The following SNRNP70 variants were observed in gnomAD, a reference collection of about 807,000 sequenced individuals.
SNRNP70 encodes small nuclear ribonucleoprotein U1 subunit 70.
In SNRNP70, 8 loss-of-function variants were observed where a neutral mutation model predicts 50.5. The observed-to-expected ratio is 0.16, with a 90% CI of 0.09 to 0.29. The LOEUF (loss-of-function observed/expected upper bound fraction) is 0.29. SNRNP70 is among the 10% of genes least tolerant of loss of function. The pLI is 1.00. For synonymous variants in SNRNP70, 320 were observed against 252.9 expected, an observed-to-expected ratio of 1.27 and a Z score of -2.52; for missense variants, 529 against 663.5, an observed-to-expected ratio of 0.80 and a Z score of 2.23.
At chr19:49,098,749 G>T in intron 6 of SNRNP70, 45 bp downstream of exon 6, 1 of 1,489,048 alleles carries the variant, frequency 6.7e-7, no homozygotes, top group Non-Finnish European at 9.4e-7. Context: ...GTGCATGGAG[G>T]AGGGGCTGTA....
intron 2 of SNRNP70, among the ~76,000 whole-genome samples, chr19:49,088,184 C>G (rs372014752): frequency 1.3e-5 from 2 of 148,812 alleles, no homozygotes; most frequent in Admixed American, 1.4e-4. Flanking sequence ...AGCCACCATG[C>G]CTGGGAGCCA....
intron 6 of SNRNP70, 79 bp from the exon 7 acceptor site, chr19:49,101,311 G>T: frequency 9.7e-7 from 1 of 1,027,594 alleles, no homozygotes; most frequent in Non-Finnish European, 1.5e-6. Flanking sequence ...CCCAGGGCCT[G>T]GTGTGCAGGC....
chr19:49,107,612 T>C lies in SNRNP70; in HGVS notation c.578-13T>C. 2 of 1,613,320 alleles carry C rather than the reference T, an allele frequency of 1.2e-6. No individual in the cohort carries two copies. Among genetic ancestry groups the C allele is most frequent in the Non-Finnish European group, 1.7e-6 (2 of 1,179,386 alleles). ...TGCCCAGATTCACCCTCTGTCCGTC[T>C]GCCCTGCCCCAGGAGGAGGCCTCGG... On this transcript the variant is annotated splice_polypyrimidine_tract_variant and intron_variant, in intron 8 of 9. Coordinates refer to ENST00000598441, the MANE Select transcript of SNRNP70 (RefSeq NM_003089.6). This position sits in a 1 kb window ranked among gnomAD's most constrained non-coding sequence, Gnocchi z 6.0.
At chr19:49,101,941 C>T (rs1198007596) in intron 7 of SNRNP70, among the ~76,000 whole-genome samples, 1 of 151,724 alleles carries the variant, frequency 6.6e-6, no homozygotes, top group Non-Finnish European at 1.5e-5. Context: ...CACCCTGTTC[C>T]TCAGCGGGCA....
chr19:49,107,867 G>A lies in SNRNP70; in HGVS notation c.738G>A (p.Arg246=). 6.4e-7 allele frequency: 1 copy of A among 1,558,384 alleles called. No individual in the cohort carries two copies. Among genetic ancestry groups the A allele is most frequent in the Non-Finnish European group, 8.7e-7 (1 of 1,151,802 alleles). ...AGCGGGAGCGCAGAGAGCGGAGCCG[G>A]GAGCGAGACAAGGAGCGAGAACGGC... ...DRERERRERS[R]ERDKERERRR... The change falls in exon 10 of 10, where the codon CGG becomes CGA. Residue 246 remains arginine (R), a synonymous_variant. Coordinates refer to ENST00000598441, the MANE Select transcript of SNRNP70 (RefSeq NM_003089.6). The surrounding 1 kb of genome is among the most constrained non-coding windows in gnomAD (Gnocchi z 6.0).
chr19:49,097,716 A>G (rs557153345), intron 4 of SNRNP70, among the ~76,000 whole-genome samples: 1 of 152,350 alleles, frequency 6.6e-6, no homozygotes, highest in East Asian at 1.9e-4. Flanking sequence ...ACCCAGCAGG[A>G]TCACCTATGA....
intron 7 of SNRNP70, among the ~76,000 whole-genome samples, chr19:49,101,921 C>G (rs553809708): frequency 6.6e-6 from 1 of 151,832 alleles, no homozygotes; most frequent in East Asian, 2.0e-4. Context: ...CTTCCCCAAC[C>G]CTGGCCCCCC....
At position 49,108,248 on chromosome 19, in the gene SNRNP70, C is replaced by CCGCGAG. The variant is rs1427779916; in HGVS notation, c.1121_1122insCGAGCG (p.Arg374_Asp375insGluArg). The CCGCGAG allele has an allele frequency of 1.3e-6, 2 of 1,544,930 alleles. No individual in the cohort carries two copies. Among genetic ancestry groups the CCGCGAG allele is most frequent in the Non-Finnish European group, 1.7e-6 (2 of 1,144,948 alleles). ...GCCGGGACCGGGATCGTGACCGTGA[C>CCGCGAG]CGTGACCGCGAGCACAAACGGGGGG... On this transcript the variant is annotated inframe_insertion, in exon 10 of 10. Coordinates refer to ENST00000598441, the MANE Select transcript of SNRNP70 (RefSeq NM_003089.6).
rs148856118 is a variant in SNRNP70 at position 49,095,379 on chromosome 19, G to T, written c.266-3048G>T. Among the ~76,000 whole-genome samples the T allele has an allele frequency of 6.0e-4, 92 of 152,344 alleles. 1 individual carries two copies. The highest frequency in any genetic ancestry group is 1.1e-3 in the Non-Finnish European group (74 of 68,040). ...GGTGTGTTTCCTTGCTGCTGTGACA[G>T]CTTTCAGCTCTTCATTAAATGTTAG... is the stretch of plus-strand genomic sequence containing the variant. On this transcript the variant is annotated intron_variant, in intron 4 of 9. Transcript: ENST00000598441.
chr19:49,085,737 C>G (rs923904706), intron 1 of SNRNP70, 101 bp downstream of exon 1: 5 of 434,844 alleles, frequency 1.1e-5, no homozygotes, highest in Non-Finnish European at 2.3e-5. Context: ...GCCCCTTTCC[C>G]GCGTCCCCGC....
chr19:49,107,327 A>AAG lies in SNRNP70; in HGVS notation c.578-297_578-296dup, dbSNP rs2040684552. Among the ~76,000 whole-genome samples the AAG allele has an allele frequency of 6.6e-6, 1 of 152,156 alleles. No individual in the cohort carries two copies. The highest frequency in any genetic ancestry group is 1.5e-5 in the Non-Finnish European group (1 of 68,022). ...TTTCTGTGAGGGCGAGGATGATTGG[A>AAG]AGGGAGGGTTTTGAGGAGGCTGTGA... is the stretch of plus-strand genomic sequence containing the variant. On this transcript the variant is annotated intron_variant, in intron 8 of 9. Coordinates refer to ENST00000598441, the MANE Select transcript of SNRNP70 (RefSeq NM_003089.6). The surrounding 1 kb of genome is among the most constrained non-coding windows in gnomAD (Gnocchi z 6.0).
chr19:49,101,721 A>G lies in SNRNP70; in HGVS notation c.475+250A>G, dbSNP rs561879429. 1.0e-5 allele frequency: 5 copies of G among 478,638 alleles called. No individual in the cohort carries two copies. The South Asian group carries it at 1.1e-4, about 10-fold the overall frequency. The allele number at this position is 478,638 out of a possible 1,614,324, so 29.6% of individuals were successfully genotyped here. A position where few individuals can be genotyped will look rare whatever the true frequency, so the allele number is the denominator to read the frequency against. On this transcript the variant is annotated intron_variant, in intron 7 of 9. Coordinates refer to ENST00000598441, the MANE Select transcript of SNRNP70 (RefSeq NM_003089.6). ...AGGTAAGTGTCACACGTTGAACCTC[A>G]GGGGCAAAGAGGGAACTGGGTGGGG...
chr19:49,098,348 G>T, intron 4 of SNRNP70, 79 bp from the exon 5 acceptor site: 1 of 1,180,944 alleles, frequency 8.5e-7, no homozygotes, highest in South Asian at 1.4e-5. Flanking sequence ...TTTCTTCTTG[G>T]CCTCTGCCCA....
At chr19:49,101,236 C>T (rs1462146489) in intron 6 of SNRNP70, among the ~76,000 whole-genome samples, 154 bp from the exon 7 acceptor site, 3 of 152,262 alleles carry the variant, frequency 2.0e-5, no homozygotes, top group Non-Finnish European at 4.4e-5. Context: ...TCCTCTGCTC[C>T]TGCCATTAGA....
Position 49,108,076 on chromosome 19 carries a change from T to C in SNRNP70, c.947T>C (p.Met316Thr), listed in dbSNP as rs1444761898. Residue 316 changes from methionine (M) to threonine (T), a missense_variant, in exon 10 of 10, where the codon ATG becomes ACG. Around this residue, in one of 4 missense-constraint regions of SNRNP70, gnomAD observed 327 missense variants for 308.8 expected, o/e 1.06. Coordinates refer to ENST00000598441, the MANE Select transcript of SNRNP70 (RefSeq NM_003089.6). Reference sequence around the variant, plus strand: ...GAGCTGCGTGGCGGCGGTGGCGACATGGCGGAGCCCTCCGAGGCGGGTGAC... The same window carrying C: ...GAGCTGCGTGGCGGCGGTGGCGACACGGCGGAGCCCTCCGAGGCGGGTGAC... ...KEELRGGGGDMAEPSEAGDAP... is the reference protein window; with the variant it reads ...KEELRGGGGDTAEPSEAGDAP... 1.3e-6 allele frequency: 2 copies of C among 1,553,898 alleles called. No homozygotes were observed. Among genetic ancestry groups the C allele is most frequent in the South Asian group, 2.4e-5 (2 of 84,218 alleles).
intron 1 of SNRNP70, 63 bp from the exon 2 acceptor site, chr19:49,086,342 G>C: frequency 6.6e-7 from 1 of 1,509,350 alleles, no homozygotes; most frequent in African/African-American, 1.4e-5. Context: ...GAGTCAAGGA[G>C]TAACAGGGGC....
At chr19:49,102,288 G>A (rs1027062037) in intron 7 of SNRNP70, 61 of 641,534 alleles carry the variant, frequency 9.5e-5, no homozygotes, top group Non-Finnish European at 1.3e-4. Flanking sequence ...AGTCGCCCCC[G>A]TAGCCTCCCC....
chr19:49,092,600 G>T (rs1300057944), intron 4 of SNRNP70, among the ~76,000 whole-genome samples: 1 of 151,650 alleles, frequency 6.6e-6, no homozygotes, highest in Non-Finnish European at 1.5e-5. Context: ...GTAGAGATGG[G>T]GTTTCACCAT....
At chr19:49,096,751 CAA>C (rs1256571965) in intron 4 of SNRNP70, among the ~76,000 whole-genome samples, 1 of 151,556 alleles carries the variant, frequency 6.6e-6, no homozygotes, top group Non-Finnish European at 1.5e-5. Context: ...CCTTGGGCAA[CAA>C]GAGTGACACT....
Sources: gnomAD v4.1 joint callset for allele counts (sites outside exome capture counted in the v4.1 genomes callset) on GRCh38, gnomAD v4.1.1 for gene constraint, gnomAD v4.1.1 regional missense constraint, Gnocchi (gnomAD v3.1) non-coding constraint, MANE v1.5 for transcripts, NCBI Gene and HGNC (gene_info 2026-07-23, HGNC 2026-07-21) for gene names.